Variants in CPNE2 observed in about 807,000 individuals in gnomAD.
CPNE2 encodes the protein copine-2.
Under a neutral mutation model 69.7 loss-of-function variants are expected in CPNE2, and 42 were observed. That is an observed-to-expected ratio of 0.60 (90% CI 0.47 to 0.78). The LOEUF (loss-of-function observed/expected upper bound fraction) is 0.78. CPNE2 is among the 30% of genes least tolerant of loss of function. The pLI, the probability that CPNE2 is intolerant of heterozygous loss-of-function variation, is 0.00. For missense variants in CPNE2, 587 were observed against 732.0 expected (o/e 0.80, Z 2.29); for synonymous variants, 294 against 289.8 (o/e 1.01, Z -0.15).
chr16:57,145,141 A>G (rs1482152464), intron 14 of CPNE2, among the ~76,000 whole-genome samples: 1 of 152,220 alleles, frequency 6.6e-6, no homozygotes, highest in African/African-American at 2.4e-5. Flanking sequence ...AATGAAAAAA[A>G]GCAGTATCAC....
intron 1 of CPNE2, among the ~76,000 whole-genome samples, chr16:57,106,412 G>C (rs2069648979): frequency 6.6e-6 from 1 of 152,222 alleles, no homozygotes; most frequent in African/African-American, 2.4e-5. Context: ...AAGATAATGG[G>C]GCTTGGATGA....
chr16:57,107,663 C>G (rs1236079006), intron 1 of CPNE2, among the ~76,000 whole-genome samples: 2 of 152,210 alleles, frequency 1.3e-5, no homozygotes, highest in Non-Finnish European at 2.9e-5. Context: ...CTTCTCCCCA[C>G]AAGGGGCCAA....
chr16:57,113,353 C>G lies in CPNE2; in HGVS notation c.246C>G (p.Asp82Glu), dbSNP rs141933983. Residue 82 changes from aspartate to glutamate, a missense_variant, in exon 3 of 16, where the codon GAC becomes GAG. This residue lies in a region of CPNE2 where 34 missense variants were observed against 67.1 expected (regional missense o/e 0.51). Transcript: ENST00000290776. ...NPAFSKKFVL[D>E]YHFEEVQKLK... ...CCTTCTCCAAGAAGTTCGTGCTTGACTACCACTTCGAGGAGGTACAGAAGC... is the reference window on the plus strand; with the variant it reads ...CCTTCTCCAAGAAGTTCGTGCTTGAGTACCACTTCGAGGAGGTACAGAAGC... 388 of 1,614,088 alleles carry G rather than the reference C, an allele frequency of 2.4e-4. No individual in the cohort carries two copies. The highest frequency in any genetic ancestry group is 3.1e-4 in the Non-Finnish European group (368 of 1,180,036).
chr16:57,102,686 C>T (rs1857296085), intron 1 of CPNE2, among the ~76,000 whole-genome samples: 1 of 151,624 alleles, frequency 6.6e-6, no homozygotes, highest in African/African-American at 2.4e-5. Context: ...ATTGCAACCT[C>T]CACTTCCCAG....
chr16:57,109,998 T>G (rs746639740), intron 1 of CPNE2, among the ~76,000 whole-genome samples: 4 of 152,218 alleles, frequency 2.6e-5, no homozygotes, highest in Non-Finnish European at 5.9e-5. Context: ...AGCTCCACTG[T>G]GGCCACAAGA....
intron 1 of CPNE2, among the ~76,000 whole-genome samples, chr16:57,095,438 C>G: frequency 6.6e-6 from 1 of 152,168 alleles, no homozygotes; most frequent in Non-Finnish European, 1.5e-5. Flanking sequence ...GTTCCATACC[C>G]TGGAATATTT....
chr16:57,100,344 A>G (rs923893683), intron 1 of CPNE2, among the ~76,000 whole-genome samples: 1 of 152,262 alleles, frequency 6.6e-6, no homozygotes, highest in Non-Finnish European at 1.5e-5. Context: ...TGTGGCAAAC[A>G]GCAGAGCTAG....
rs3751709 is a variant in CPNE2 at position 57,121,682 on chromosome 16, C to A, written c.789C>A (p.Phe263Leu). ...TCTTTTGCGTTGCCCAGCTGGAGTT[C>A]GAGTGCATCAACCCCAAGAAGCAGA... ...CEARDSVPLEFECINPKKQRK... is the reference protein window; with the variant it reads ...CEARDSVPLELECINPKKQRK... Residue 263 changes from phenylalanine (F) to leucine (L), a missense_variant, in exon 9 of 16, where the codon TTC (phenylalanine) becomes TTA (leucine). Around this residue, in one of 5 missense-constraint regions of CPNE2, gnomAD observed 269 missense variants for 300.5 expected, o/e 0.90. Transcript: ENST00000290776. 5 of 1,613,892 alleles carry A rather than the reference C, an allele frequency of 3.1e-6. No homozygotes were observed. Among genetic ancestry groups the A allele is most frequent in the Non-Finnish European group, 4.2e-6 (5 of 1,179,976 alleles).
chr16:57,097,524 T>C (rs1261872235), intron 1 of CPNE2, among the ~76,000 whole-genome samples: 4 of 152,234 alleles, frequency 2.6e-5, no homozygotes, highest in Non-Finnish European at 4.4e-5. Context: ...AAGAACATCA[T>C]GAAGAAAGTA....
intron 7 of CPNE2, among the ~76,000 whole-genome samples, chr16:57,120,146 G>T (rs1221775288): frequency 1.3e-5 from 2 of 151,946 alleles, no homozygotes; most frequent in African/African-American, 4.8e-5. Context: ...GGCGGTGCAC[G>T]CCTGTAGTCC....
intron 14 of CPNE2, chr16:57,144,750 C>G (rs1482430646): frequency 6.6e-6 from 1 of 152,148 alleles, no homozygotes; most frequent in Non-Finnish European, 1.5e-5. Context: ...GAGTTTGAGA[C>G]CAGCCTGGCC....
rs749527639 is a variant in CPNE2 at position 57,137,191 on chromosome 16, A to G, written c.1211A>G (p.His404Arg). ...IAQAYSACLP[H>R]IRFYGPTNFS... ...CAGGCGTACTCAGCTTGCCTGCCCC[A>G]CATCCGCTTCTACGGTCCTACCAAT... The change falls in exon 14 of 16, where the codon CAC (histidine) becomes CGC (arginine). Residue 404 changes from histidine (H) to arginine (R), a missense_variant. Coordinates refer to ENST00000290776, the MANE Select transcript of CPNE2 (RefSeq NM_152727.6). The G allele has an allele frequency of 1.3e-5, 21 of 1,614,208 alleles. No individual in the cohort carries two copies. Among genetic ancestry groups the G allele is most frequent in the Non-Finnish European group, 1.7e-5 (20 of 1,180,034 alleles).
rs115491519 is a variant in CPNE2, at chr16:57,116,975, G to A, written c.436-521G>A. Among the ~76,000 whole-genome samples, 444 of 152,268 alleles carry A rather than the reference G, an allele frequency of 2.9e-3. 6 individuals carry two copies. Among genetic ancestry groups the A allele is most frequent in the African/African-American group, 0.01 (425 of 41,566 alleles). Reference sequence around the variant, plus strand: ...GCTAGGCCATCACTGGCTGGGCTGGGGTCAGGGAACCATAGCTGATGGGGA... The same window carrying A: ...GCTAGGCCATCACTGGCTGGGCTGGAGTCAGGGAACCATAGCTGATGGGGA... On this transcript the variant is annotated intron_variant, in intron 4 of 15. Coordinates refer to ENST00000290776, the MANE Select transcript of CPNE2 (RefSeq NM_152727.6).
chr16:57,096,217 G>A (rs1349918737), intron 1 of CPNE2, among the ~76,000 whole-genome samples: 1 of 152,204 alleles, frequency 6.6e-6, no homozygotes, highest in Middle Eastern at 3.2e-3. Context: ...AAGGAGCATG[G>A]CCTTGCTGAC....
rs758773496 is a variant in CPNE2 at position 57,126,007 on chromosome 16, G to A, written c.1061+14G>A. The stretch of plus-strand genomic sequence containing the variant: ...GGACTACGACAGGTAAGGTTGGAGA[G>A]GGGCTCTGAAGGTCAGCTAGGGTTC... On this transcript the variant is annotated intron_variant, in intron 11 of 15. Coordinates refer to ENST00000290776, the MANE Select transcript of CPNE2 (RefSeq NM_152727.6). 8.1e-6 allele frequency: 13 copies of A among 1,613,728 alleles called. No individual in the cohort carries two copies. The highest frequency in any genetic ancestry group is 1.1e-5 in the Non-Finnish European group (13 of 1,179,938).
intron 9 of CPNE2, among the ~76,000 whole-genome samples, chr16:57,123,006 A>G (rs1332352936): frequency 6.6e-6 from 1 of 152,046 alleles, no homozygotes; most frequent in Non-Finnish European, 1.5e-5. Flanking sequence ...AGAGACAAAG[A>G]CCATCAAAAC....
At chr16:57,135,611 T>A (rs1597504569) in intron 13 of CPNE2, among the ~76,000 whole-genome samples, 1 of 143,796 alleles carries the variant, frequency 7.0e-6, no homozygotes, top group Admixed American at 6.8e-5. Context: ...GAAGGGAGGG[T>A]CACACCTTTA....
chr16:57,125,095 G>T (rs917585774), intron 10 of CPNE2: 2 of 327,092 alleles, frequency 6.1e-6, no homozygotes, highest in African/African-American at 4.3e-5. Context: ...TCTTCCCCGG[G>T]GTCCTACTTC....
chr16:57,110,542 G>T, intron 1 of CPNE2, 166 bp from the exon 2 acceptor site: 1 of 428,514 alleles, frequency 2.3e-6, no homozygotes, highest in Non-Finnish European at 4.2e-6. Context: ...GCATTTCCTT[G>T]CATTCTTCTT....
Sources: gnomAD v4.1 joint callset for allele counts (sites outside exome capture counted in the v4.1 genomes callset) on GRCh38, gnomAD v4.1.1 for gene constraint, gnomAD v4.1.1 regional missense constraint, MANE v1.5 for transcripts, NCBI Gene and HGNC (gene_info 2026-07-23, HGNC 2026-07-21) for gene names.